Variants in PRSS3 observed in about 807,000 individuals in gnomAD.
PRSS3 encodes serine protease 3, also known as trypsin-3.
PRSS3 carries 14 observed loss-of-function variants against 20.8 expected under a neutral mutation model. That is an observed-to-expected ratio of 0.67 (90% CI 0.44 to 1.05). The LOEUF is 1.05. Ranked by LOEUF, PRSS3 falls within the 50% of genes least tolerant of loss-of-function variation. The pLI is 0.00. For missense variants in PRSS3, 237 were observed against 306.4 expected (o/e 0.77, Z 1.69); for synonymous variants, 91 against 117.6 (o/e 0.77, Z 1.46).
At chr9:33,785,465 C>G (rs1824362285) in intron 1 of PRSS3, among the ~76,000 whole-genome samples, 2 of 152,132 alleles carry the variant, frequency 1.3e-5, no homozygotes, top group Admixed American at 6.5e-5. Flanking sequence ...GCGTGAGCCA[C>G]CGCGCCCGGC....
At chr9:33,765,721 T>G (rs778356717) in intron 1 of PRSS3, among the ~76,000 whole-genome samples, 1 of 152,240 alleles carries the variant, frequency 6.6e-6, no homozygotes, top group Non-Finnish European at 1.5e-5. Flanking sequence ...AATTTCTAAA[T>G]TATTTGTTTC....
At chr9:33,790,065 A>C (rs1006267550) in intron 1 of PRSS3, among the ~76,000 whole-genome samples, 2 of 152,238 alleles carry the variant, frequency 1.3e-5, no homozygotes, top group Non-Finnish European at 2.9e-5. Flanking sequence ...CTATAAAAAC[A>C]TATTTTACCA....
chr9:33,797,790 G>A, intron 2 of PRSS3, 39 bp from the exon 3 acceptor site: 1 of 1,614,240 alleles, frequency 6.2e-7, no homozygotes, highest in Non-Finnish European at 8.5e-7. Flanking sequence ...TGCCCAGGCT[G>A]TGGGAGAAGG....
chr9:33,791,756 C>T (rs1244212322), upstream of PRSS3, among the ~76,000 whole-genome samples: 1 of 152,204 alleles, frequency 6.6e-6, no homozygotes, highest in Non-Finnish European at 1.5e-5. Flanking sequence ...TATATTACAG[C>T]AATCAATCTA....
rs1822649581 is a variant in PRSS3, at chr9:33,750,761, T to C, written c.-53+34T>C. The C allele has an allele frequency of 2.8e-6, 4 of 1,414,914 alleles. No individual in the cohort carries two copies. Among genetic ancestry groups the C allele is most frequent in the Non-Finnish European group, 3.7e-6 (4 of 1,088,778 alleles). 87.6% of individuals were successfully genotyped at this position (1,414,914 alleles called of 1,614,324 possible). On this transcript the variant is annotated intron_variant, in intron 1 of 5. Transcript: ENST00000342836. This position sits in a 1 kb window ranked among gnomAD's most constrained non-coding sequence, Gnocchi z 4.8. Reference sequence around the variant, plus strand: ...TCAGTACCCGCAGGGGGCTTGAAACTGGAGGAGGGCTCGAAGGGAGAGGGA... The same window carrying C: ...TCAGTACCCGCAGGGGGCTTGAAACCGGAGGAGGGCTCGAAGGGAGAGGGA...
chr9:33,793,816 C>G, upstream of PRSS3: 1 of 619,996 alleles, frequency 1.6e-6, no homozygotes, highest in Non-Finnish European at 2.0e-6. Flanking sequence ...TTGCTCTGCA[C>G]AAATCACAAT....
chr9:33,759,545 A>C (rs577926764), intron 1 of PRSS3, among the ~76,000 whole-genome samples: 1 of 152,154 alleles, frequency 6.6e-6, no homozygotes, highest in Non-Finnish European at 1.5e-5. Flanking sequence ...TTTCTGGGTG[A>C]CTGGACGTTA....
chr9:33,795,394 A>G (rs561963702), upstream of PRSS3: 237 of 802,260 alleles, frequency 3.0e-4, no homozygotes, highest in African/African-American at 3.8e-3. Context: ...CCTGTGAATC[A>G]CAAACCCACA....
intron 1 of PRSS3, among the ~76,000 whole-genome samples, chr9:33,785,239 G>T (rs1306290766): frequency 7.9e-6 from 1 of 127,030 alleles, no homozygotes; most frequent in Non-Finnish European, 1.6e-5. Flanking sequence ...GTGCAGTGGC[G>T]CAATCTTGGC....
At chr9:33,768,177 G>A (rs1823526278) in intron 1 of PRSS3, among the ~76,000 whole-genome samples, 1 of 152,188 alleles carries the variant, frequency 6.6e-6, no homozygotes, top group African/African-American at 2.4e-5. Flanking sequence ...TAAAGAGACT[G>A]TTGATAGAAA....
intron 1 of PRSS3, chr9:33,786,881 A>C (rs1824433903): frequency 1.4e-5 from 9 of 637,046 alleles, no homozygotes; most frequent in South Asian, 3.7e-5. Context: ...GCTCCCTTCT[A>C]CCCAGCTCCC....
intron 1 of PRSS3, chr9:33,762,131 A>G (rs1818637320): frequency 6.6e-6 from 1 of 152,170 alleles, no homozygotes; most frequent in Admixed American, 6.5e-5. Flanking sequence ...GGCTCAGACT[A>G]TCTTCCGATC....
chr9:33,772,525 G>A (rs1461708191), intron 1 of PRSS3, among the ~76,000 whole-genome samples: 2 of 152,106 alleles, frequency 1.3e-5, no homozygotes, highest in Admixed American at 1.3e-4. Flanking sequence ...GAATTTTAAT[G>A]ATACAAAGAA....
At chr9:33,767,743 T>G (rs748999156) in intron 1 of PRSS3, among the ~76,000 whole-genome samples, 7 of 152,008 alleles carry the variant, frequency 4.6e-5, no homozygotes, top group Non-Finnish European at 7.4e-5. Flanking sequence ...GAGAATCACT[T>G]GAACCCAGGA....
chr9:33,762,414 A>T (rs755799717), intron 1 of PRSS3, among the ~76,000 whole-genome samples: 1 of 152,234 alleles, frequency 6.6e-6, no homozygotes, highest in Non-Finnish European at 1.5e-5. Flanking sequence ...CTGCGGCCAC[A>T]GTCACATCCA....
upstream of PRSS3, chr9:33,795,482 T>A (rs1361484044): frequency 2.0e-6 from 3 of 1,522,046 alleles, no homozygotes; most frequent in Non-Finnish European, 2.7e-6. Context: ...TGGGAAGAAC[T>A]GTGACCCTCA....
chr9:33,779,761 C>T (rs193121511), intron 1 of PRSS3, among the ~76,000 whole-genome samples: 4 of 146,004 alleles, frequency 2.7e-5, no homozygotes, highest in South Asian at 2.2e-4. Flanking sequence ...CCCAGCTACT[C>T]GGGAGGCTGA....
chr9:33,795,840 T>C (rs1824894781), intron 1 of PRSS3, among the ~76,000 whole-genome samples: 1 of 152,246 alleles, frequency 6.6e-6, no homozygotes, highest in Non-Finnish European at 1.5e-5. Context: ...GAGCTGTGGT[T>C]GGAGAAGCTG....
rs760795306 is a variant in PRSS3, at chr9:33,797,854, CACA to C, written c.230_232del (p.Asn77del). The C allele has an allele frequency of 1.2e-5, 19 of 1,614,138 alleles. No individual in the cohort carries two copies. The highest frequency in any genetic ancestry group is 1.5e-5 in the Non-Finnish European group (18 of 1,180,050). Reference sequence around the variant, plus strand: ...CCGCATCCAGGTGAGACTGGGAGAGCACAACATCAAAGTCCTGGAGGGGAATGA... The same window carrying C: ...CCGCATCCAGGTGAGACTGGGAGAGCACATCAAAGTCCTGGAGGGGAATGA... On this transcript the variant is annotated inframe_deletion, in exon 3 of 5. Coordinates refer to ENST00000379405, the MANE Select transcript of PRSS3 (RefSeq NM_002771.4).
Sources: gnomAD v4.1 joint callset for allele counts (sites outside exome capture counted in the v4.1 genomes callset) on GRCh38, gnomAD v4.1.1 for gene constraint, Gnocchi (gnomAD v3.1) non-coding constraint, MANE v1.5 for transcripts, NCBI Gene and HGNC (gene_info 2026-07-23, HGNC 2026-07-21) for gene names.